MTFMT: variants seen among roughly 807,000 people sequenced by gnomAD.
MTFMT encodes the protein mitochondrial methionyl-tRNA formyltransferase, also known as methionyl-tRNA formyltransferase, mitochondrial.
In MTFMT, 47 loss-of-function variants were observed where a neutral mutation model predicts 51.8. The ratio of observed to expected loss-of-function variants is 0.91; its 90% CI spans 0.72 to 1.16. The LOEUF (loss-of-function observed/expected upper bound fraction) is 1.16. MTFMT is among the 50% of genes most tolerant of loss of function. The pLI, the probability that MTFMT is intolerant of heterozygous loss-of-function variation, is 0.00. For missense variants in MTFMT, 512 were observed against 482.3 expected, an observed-to-expected ratio of 1.06 and a Z score of -0.58; for synonymous variants, 196 against 176.7, an observed-to-expected ratio of 1.11 and a Z score of -0.87.
chr15:65,012,104 C>T (rs1268149109), intron 6 of MTFMT, among the ~76,000 whole-genome samples: 1 of 117,100 alleles, frequency 8.5e-6, no homozygotes, highest in African/African-American at 3.3e-5. Context: ...ATTCTTTCTC[C>T]ATTGGATTGT....
At chr15:65,008,609 C>T (rs1158208348) in intron 6 of MTFMT, among the ~76,000 whole-genome samples, 1 of 152,150 alleles carries the variant, frequency 6.6e-6, no homozygotes, top group Non-Finnish European at 1.5e-5. Flanking sequence ...TTTTATGACA[C>T]CCCTTAAAGA....
intron 6 of MTFMT, among the ~76,000 whole-genome samples, chr15:65,013,957 A>G (rs2086293511): frequency 2.6e-5 from 4 of 152,054 alleles, no homozygotes; most frequent in African/African-American, 7.2e-5. Flanking sequence ...AAAAAAAACA[A>G]AAAACAAAAA....
chr15:65,005,255 T>G (rs2086212503), intron 7 of MTFMT, among the ~76,000 whole-genome samples: 1 of 152,212 alleles, frequency 6.6e-6, no homozygotes, highest in Admixed American at 6.5e-5. Flanking sequence ...ATACATAGGA[T>G]GTTTAGGATT....
At chr15:65,011,572 T>C (rs755702812) in intron 6 of MTFMT, among the ~76,000 whole-genome samples, 3 of 135,654 alleles carry the variant, frequency 2.2e-5, no homozygotes. Flanking sequence ...CACAGCTCAC[T>C]GCAGCCTCGA....
intron 7 of MTFMT, among the ~76,000 whole-genome samples, chr15:65,005,153 G>C (rs540076609): frequency 4.1e-4 from 63 of 152,280 alleles, no homozygotes; most frequent in African/African-American, 1.5e-3. Context: ...CACATACAAA[G>C]CTATAATTCC....
chr15:65,026,748 T>A, intron 2 of MTFMT, 83 bp downstream of exon 2: 1 of 1,067,870 alleles, frequency 9.4e-7, no homozygotes, highest in Non-Finnish European at 1.4e-6. Flanking sequence ...AAGCATAGAG[T>A]TCAAATTATC....
In MTFMT at chr15:65,004,912, A is replaced by T; in HGVS notation, c.917T>A (p.Leu306His). 6.2e-7 allele frequency: 1 copy of T among 1,612,238 alleles called. No homozygotes were observed. Among genetic ancestry groups the T allele is most frequent in the Non-Finnish European group, 8.5e-7 (1 of 1,178,602 alleles). ...LADPKLTGQA[L>H]IPGSVIYHKQ... ...GTGGTATATTACTGATCCTGGAATA[A>T]GAGCCTGTCCCGTTAATTTTGGATC... The change falls in exon 8 of 9, where the codon CTT becomes CAT. Residue 306 changes from leucine to histidine, a missense_variant. Leu to His is a moderately conservative substitution (Grantham distance 99). Transcript: ENST00000220058.
At chr15:65,020,890 C>A (rs561373245) in intron 4 of MTFMT, among the ~76,000 whole-genome samples, 1 of 152,142 alleles carries the variant, frequency 6.6e-6, no homozygotes, top group Non-Finnish European at 1.5e-5. Flanking sequence ...ACGGCAGTCA[C>A]TATTATAAGA....
intron 2 of MTFMT, chr15:65,026,599 G>A (rs2140490636): frequency 4.2e-6 from 2 of 475,394 alleles, no homozygotes. Context: ...TGTGTTTGCA[G>A]CATTCCTTGG....
At chr15:65,003,321 T>A in intron 8 of MTFMT, 65 bp from the exon 9 acceptor site, 1 of 1,273,484 alleles carries the variant, frequency 7.9e-7, no homozygotes, top group Non-Finnish European at 1.1e-6. Context: ...AAGTAAATAT[T>A]AGTTTATAAA....
In MTFMT at chr15:65,012,129, C is replaced by CA. The variant is rs58093427; in HGVS notation, c.813+4306dup. Reference sequence around the variant, plus strand: ...CATTGGATTGTCTTGGCACTCTTGTCAAAAAAAAAAAAAAAAAAAAAAAAA... The same window carrying CA: ...CATTGGATTGTCTTGGCACTCTTGTCAAAAAAAAAAAAAAAAAAAAAAAAAA... On this transcript the variant is annotated intron_variant, in intron 6 of 8. Transcript: ENST00000220058. Among the ~76,000 whole-genome samples, 47 of 58,714 alleles carry CA rather than the reference C, an allele frequency of 8.0e-4. 2 individuals carry two copies. Among genetic ancestry groups the CA allele is most frequent in the African/African-American group, 3.3e-3 (46 of 14,136 alleles). The allele number at this position is 58,714 out of a possible 152,430, so 38.5% of individuals were successfully genotyped here.
At chr15:65,008,693 A>C (rs1384288802) in intron 6 of MTFMT, among the ~76,000 whole-genome samples, 2 of 152,246 alleles carry the variant, frequency 1.3e-5, no homozygotes, top group Non-Finnish European at 2.9e-5. Flanking sequence ...AATGAATTTG[A>C]AGAACAAGTT....
chr15:65,027,074 T>C, intron 1 of MTFMT, 34 bp from the exon 2 acceptor site: 1 of 1,528,758 alleles, frequency 6.5e-7, no homozygotes, highest in Non-Finnish European at 9.0e-7. Context: ...GTGACAGTGT[T>C]AAGGCAATGA....
chr15:65,004,074 T>C (rs1299115412), intron 8 of MTFMT, among the ~76,000 whole-genome samples: 1 of 151,890 alleles, frequency 6.6e-6, no homozygotes, highest in East Asian at 1.9e-4. Context: ...TGGAGTGTGA[T>C]GGCACGATCT....
intron 7 of MTFMT, among the ~76,000 whole-genome samples, chr15:65,005,608 ATTTT>A (rs11353130): frequency 9.2e-5 from 11 of 120,132 alleles, no homozygotes; most frequent in Non-Finnish European, 8.8e-5. Context: ...TCCTGTAATG[ATTTT>A]TTTTTTTTTT....
intron 3 of MTFMT, among the ~76,000 whole-genome samples, chr15:65,023,202 T>G (rs2086390317): frequency 6.6e-6 from 1 of 152,194 alleles, no homozygotes; most frequent in South Asian, 2.1e-4. Flanking sequence ...TGTTCTAAAT[T>G]GTTTCTAAAT....
Position 65,006,192 on chromosome 15 carries a change from C to T in MTFMT, c.814-1G>A. Reference sequence around the variant, plus strand: ...CCATCCAGAGCGTCTGCAACGGAATCTGCAAGTAAAATTAAAGAAGGTATG... The same window carrying T: ...CCATCCAGAGCGTCTGCAACGGAATTTGCAAGTAAAATTAAAGAAGGTATG... On this transcript the variant is annotated splice_acceptor_variant, in intron 6 of 8. Transcript: ENST00000220058. LOFTEE classifies it high-confidence loss of function. The T allele has an allele frequency of 6.2e-7, 1 of 1,610,608 alleles. No individual in the cohort carries two copies. Among genetic ancestry groups the T allele is most frequent in the Non-Finnish European group, 8.5e-7 (1 of 1,177,974 alleles).
chr15:65,029,316 A>G, intron 1 of MTFMT, 89 bp downstream of exon 1: 1 of 1,329,586 alleles, frequency 7.5e-7, no homozygotes, highest in Non-Finnish European at 9.6e-7. Context: ...GCTTTCCGCA[A>G]CCAGAAGTCC....
chr15:65,003,845 C>CAAAAAAAAAAAAAAAAAAAAAAA (rs768884218), intron 8 of MTFMT, among the ~76,000 whole-genome samples: 3 of 40,646 alleles, frequency 7.4e-5, no homozygotes, highest in Non-Finnish European at 1.3e-4. Context: ...AACTCCATCT[C>CAAAAAAAAAAAAAAAAAAAAAAA]AAAAAAAAAA....
Sources: allele counts gnomAD v4.1 joint callset (sites outside exome capture counted in the v4.1 genomes callset), GRCh38; gene constraint gnomAD v4.1.1; transcripts MANE v1.5; gene names NCBI Gene and HGNC (gene_info 2026-07-23, HGNC 2026-07-21).